CDH18: variants seen among roughly 807,000 people sequenced by gnomAD.
CDH18 encodes cadherin-18.
Under a neutral mutation model 67.9 loss-of-function variants are expected in CDH18, and 31 were observed. The observed-to-expected ratio is 0.46, with a 90% CI of 0.34 to 0.62. The LOEUF (loss-of-function observed/expected upper bound fraction) is 0.62, where lower values mean the gene tolerates loss of function less well. Among genes scored for constraint, CDH18 ranks in the 20% least tolerant of loss-of-function variants. The pLI, the probability that CDH18 is intolerant of heterozygous loss-of-function variation, is 0.01. For missense variants in CDH18, 890 were observed against 975.5 expected (o/e 0.91, Z 1.17); for synonymous variants, 362 against 347.2 (o/e 1.04, Z -0.48).
intron 1 of CDH18, among the ~76,000 whole-genome samples, chr5:20,558,258 A>G (rs1758024687): frequency 6.6e-6 from 1 of 152,110 alleles, no homozygotes; most frequent in East Asian, 1.9e-4. Context: ...AAAAATAACA[A>G]TAACACACAA....
chr5:20,459,888 G>A (rs1210171491), intron 1 of CDH18, among the ~76,000 whole-genome samples: 4 of 152,080 alleles, frequency 2.6e-5, no homozygotes, highest in African/African-American at 4.8e-5. Flanking sequence ...TAATATTGTG[G>A]TTGTTCACTT....
At chr5:20,095,339 GAAAGAAAGAA>G (rs1745812820) in intron 2 of CDH18, among the ~76,000 whole-genome samples, 1 of 78,704 alleles carries the variant, frequency 1.3e-5, no homozygotes, top group Non-Finnish European at 2.9e-5. Context: ...AAGAAAGAAA[GAAAGAAAGAA>G]AGAAAGAAAG....
chr5:19,779,492 A>G (rs1313735320), intron 3 of CDH18, among the ~76,000 whole-genome samples: 1 of 152,166 alleles, frequency 6.6e-6, no homozygotes, highest in African/African-American at 2.4e-5. Context: ...TATTGTTACC[A>G]AGGCAGATCT....
chr5:20,525,377 A>G (rs1755986330), intron 1 of CDH18, among the ~76,000 whole-genome samples: 1 of 152,046 alleles, frequency 6.6e-6, no homozygotes, highest in South Asian at 2.1e-4. Context: ...ATCACTGTGG[A>G]TCTGTCCACA....
intron 9 of CDH18, among the ~76,000 whole-genome samples, chr5:19,529,607 A>C (rs1361426894): frequency 6.6e-6 from 1 of 152,114 alleles, no homozygotes; most frequent in East Asian, 1.9e-4. Flanking sequence ...ACAAAAAAAT[A>C]GAATTATTAA....
At chr5:19,960,653 A>G (rs1329821919) in intron 2 of CDH18, among the ~76,000 whole-genome samples, 3 of 113,566 alleles carry the variant, frequency 2.6e-5, no homozygotes, top group Non-Finnish European at 4.9e-5. Context: ...ATACACGTGT[A>G]TATATATATA....
intron 10 of CDH18, among the ~76,000 whole-genome samples, chr5:19,516,093 T>G (rs1745946486): frequency 6.6e-6 from 1 of 152,230 alleles, no homozygotes; most frequent in Non-Finnish European, 1.5e-5. Context: ...CCTTTCTGCA[T>G]CTATCGAGAT....
chr5:19,941,193 C>T (rs1172116045), intron 2 of CDH18, among the ~76,000 whole-genome samples: 7 of 151,996 alleles, frequency 4.6e-5, no homozygotes, highest in African/African-American at 1.2e-4. Flanking sequence ...TTGCACCATG[C>T]GAGGAAAGAG....
At chr5:19,753,870 G>A (rs1771176556) in intron 3 of CDH18, among the ~76,000 whole-genome samples, 1 of 152,196 alleles carries the variant, frequency 6.6e-6, no homozygotes, top group Admixed American at 6.5e-5. Flanking sequence ...TTTGTATCCA[G>A]TGAAACTAAG....
At chr5:20,501,152 G>T (rs935171147) in intron 1 of CDH18, among the ~76,000 whole-genome samples, 1 of 151,892 alleles carries the variant, frequency 6.6e-6, no homozygotes, top group Non-Finnish European at 1.5e-5. Context: ...CTTATATGAG[G>T]TTGTTTAAAT....
chr5:20,155,585 C>A (rs1353238090), intron 2 of CDH18, among the ~76,000 whole-genome samples: 2 of 151,890 alleles, frequency 1.3e-5, no homozygotes, highest in African/African-American at 4.8e-5. Context: ...TAAATAAGTC[C>A]TATTTGTTTA....
intron 1 of CDH18, among the ~76,000 whole-genome samples, chr5:20,478,324 G>A (rs993724509): frequency 6.6e-6 from 1 of 152,116 alleles, no homozygotes. Flanking sequence ...CAAGGCCTTG[G>A]TTCCAGGATG....
At chr5:19,641,773 T>G (rs1754028851) in intron 5 of CDH18, among the ~76,000 whole-genome samples, 1 of 151,984 alleles carries the variant, frequency 6.6e-6, no homozygotes, top group Admixed American at 6.6e-5. Flanking sequence ...AGAGCTAGGA[T>G]ATCCACTCTC....
chr5:20,357,536 C>T (rs111866487), intron 1 of CDH18, among the ~76,000 whole-genome samples: 3,459 of 151,910 alleles, frequency 0.023, 97 homozygotes, highest in African/African-American at 0.06. Flanking sequence ...GATATAAGAG[C>T]GGCCAAAAAA....
At chr5:19,645,277 G>A (rs1754578323) in intron 5 of CDH18, among the ~76,000 whole-genome samples, 1 of 152,196 alleles carries the variant, frequency 6.6e-6, no homozygotes, top group South Asian at 2.1e-4. Flanking sequence ...GTATTTATCA[G>A]AGAATGAGGG....
intron 3 of CDH18, among the ~76,000 whole-genome samples, chr5:19,836,106 CTTAG>C (rs768128609): frequency 1.4e-4 from 21 of 152,088 alleles, no homozygotes; most frequent in Middle Eastern, 3.4e-3. Flanking sequence ...GTTTCTGTTT[CTTAG>C]TTAGATTAAA....
chr5:20,291,647 T>C (rs1206531469), intron 1 of CDH18, among the ~76,000 whole-genome samples: 1 of 152,200 alleles, frequency 6.6e-6, no homozygotes, highest in Admixed American at 6.5e-5. Context: ...GTGTTTTGTT[T>C]AGATCTCTTG....
chr5:19,942,446 A>T (rs1794916596), intron 2 of CDH18, among the ~76,000 whole-genome samples: 1 of 152,152 alleles, frequency 6.6e-6, no homozygotes, highest in Non-Finnish European at 1.5e-5. Flanking sequence ...TACAAATAAA[A>T]TATCCTTTTG....
intron 3 of CDH18, among the ~76,000 whole-genome samples, chr5:19,814,444 C>T (rs992027490): frequency 2.6e-5 from 4 of 151,858 alleles, no homozygotes; most frequent in African/African-American, 9.7e-5. Flanking sequence ...GGCACTATTG[C>T]AATTTTGGAC....
Sources: gnomAD v4.1 joint callset for allele counts (sites outside exome capture counted in the v4.1 genomes callset) on GRCh38, gnomAD v4.1.1 for gene constraint, MANE v1.5 for transcripts, NCBI Gene and HGNC (gene_info 2026-07-23, HGNC 2026-07-21) for gene names.